The following FRS2 variants were observed in gnomAD, a reference collection of about 807,000 sequenced individuals.
The protein encoded by FRS2 is fibroblast growth factor receptor substrate 2.
FRS2 carries 8 observed loss-of-function variants against 43.9 expected under a neutral mutation model. The ratio of observed to expected loss-of-function variants is 0.18; its 90% confidence interval spans 0.11 to 0.33. FRS2 has a LOEUF of 0.33. Among genes scored for constraint, FRS2 ranks in the 10% least tolerant of loss-of-function variants. FRS2 has a pLI of 1.00. For synonymous variants in FRS2, 219 were observed against 220.3 expected (o/e 0.99, Z 0.05); for missense variants, 534 against 627.6 (o/e 0.85, Z 1.59).
intron 3 of FRS2, among the ~76,000 whole-genome samples, chr12:69,557,594 T>TTGTGTGTGTGTGTGTGTGTGTGTGTG (rs376896422): frequency 1.2e-4 from 17 of 137,078 alleles, no homozygotes; most frequent in African/African-American, 4.1e-4. Context: ...TGAAGGTTGA[T>TTGTGTGTGTGTGTGTGTGTGTGTGTG]TGTGTGTGTG....
At chr12:69,481,095 AC>A (rs1320972240) in intron 1 of FRS2, among the ~76,000 whole-genome samples, 3 of 152,104 alleles carry the variant, frequency 2.0e-5, no homozygotes, top group Non-Finnish European at 4.4e-5. Context: ...ACCTCTGTAT[AC>A]CCTTTATCCA....
chr12:69,498,137 A>G (rs536033531), intron 1 of FRS2, among the ~76,000 whole-genome samples: 1 of 152,310 alleles, frequency 6.6e-6, no homozygotes, highest in African/African-American at 2.4e-5. Flanking sequence ...GGCCAGTAGC[A>G]TTATACTATG....
In FRS2 at chr12:69,570,372, C is replaced by T; in HGVS notation, c.108C>T (p.Gly36=). The T allele has an allele frequency of 6.2e-7, 1 of 1,613,860 alleles. No homozygotes were observed. The highest frequency in any genetic ancestry group is 8.5e-7 in the Non-Finnish European group (1 of 1,179,772). Reference sequence around the variant, plus strand: ...ATGATGGGAATGAGTTAGGTTCTGGCATAATGGAACTTACAGACACAGAAC... The same window carrying T: ...ATGATGGGAATGAGTTAGGTTCTGGTATAATGGAACTTACAGACACAGAAC... ...VDDDGNELGS[G]IMELTDTELI... Residue 36 remains glycine, a synonymous_variant, in exon 6 of 9, where the codon GGC becomes GGT. Transcript: ENST00000549921.
intron 1 of FRS2, chr12:69,486,390 A>G (rs221087): frequency 0.094 from 14,290 of 152,218 alleles, 882 homozygotes; most frequent in Non-Finnish European, 0.14. Context: ...GGGCACCTCA[A>G]ACTGTGCCCA....
intron 1 of FRS2, among the ~76,000 whole-genome samples, chr12:69,530,400 A>T (rs1399479472): frequency 6.6e-6 from 1 of 151,878 alleles, no homozygotes; most frequent in Non-Finnish European, 1.5e-5. Context: ...CTCCCACCTC[A>T]GTCTCAGCTC....
At chr12:69,532,289 CA>C (rs1307447731) in intron 3 of FRS2, among the ~76,000 whole-genome samples, 1 of 152,160 alleles carries the variant, frequency 6.6e-6, no homozygotes, top group East Asian at 1.9e-4. Context: ...CTTTAAAATT[CA>C]AATACTGCTT....
intron 3 of FRS2, among the ~76,000 whole-genome samples, chr12:69,551,534 T>A (rs902137352): frequency 2.6e-5 from 4 of 152,204 alleles, no homozygotes; most frequent in Admixed American, 2.6e-4. Flanking sequence ...CCATGAAACC[T>A]TTAGAGGAAG....
intron 4 of FRS2, among the ~76,000 whole-genome samples, chr12:69,564,526 G>A (rs1244170173): frequency 6.6e-6 from 1 of 152,008 alleles, no homozygotes; most frequent in Non-Finnish European, 1.5e-5. Flanking sequence ...TGTATCTCAG[G>A]TAATAGACCC....
rs1221357268 is a variant in FRS2 at position 69,575,242 on chromosome 12, T to A, written c.*287T>A. ...TGACATGCTGGTTGATTTTTATCAA[T>A]ATTCTGGACTTAACGCATACCTTTC... On this transcript the variant is annotated 3_prime_UTR_variant, in exon 9 of 9. Coordinates refer to ENST00000549921, the MANE Select transcript of FRS2 (RefSeq NM_001278356.2). The A allele has an allele frequency of 2.8e-6, 1 of 363,504 alleles. No individual in the cohort carries two copies. Among genetic ancestry groups the A allele is most frequent in the Admixed American group, 4.2e-5 (1 of 23,536 alleles). The allele number at this position is 363,504 out of a possible 1,614,324, so 22.5% of individuals were successfully genotyped here. A position where few individuals can be genotyped will look rare whatever the true frequency, so the allele number is the denominator to read the frequency against.
chr12:69,470,631 G>C (rs981703285), intron 1 of FRS2, 101 bp downstream of exon 1: 54 of 395,968 alleles, frequency 1.4e-4, no homozygotes, highest in African/African-American at 9.3e-4. Context: ...CTGAGGGCTC[G>C]GCTGCCGGCG....
intron 1 of FRS2, among the ~76,000 whole-genome samples, chr12:69,496,057 A>T (rs933804195): frequency 3.3e-5 from 5 of 152,128 alleles, no homozygotes; most frequent in African/African-American, 1.2e-4. Flanking sequence ...GATAATACTA[A>T]TTTTTTTCTT....
chr12:69,575,730 T>C lies in FRS2; in HGVS notation c.*775T>C, dbSNP rs1881149172. ...CTGAACCACAATCTCCTGAAAGTTT[T>C]TCTCCTATAGATTGTTGACAACACA... On this transcript the variant is annotated 3_prime_UTR_variant, in exon 9 of 9. Coordinates refer to ENST00000549921, the MANE Select transcript of FRS2 (RefSeq NM_001278356.2). 6.5e-6 allele frequency: 1 copy of C among 152,682 alleles called. No homozygotes were observed. The highest frequency in any genetic ancestry group is 2.4e-5 in the African/African-American group (1 of 41,458). The allele number at this position is 152,682 out of a possible 1,614,324, so 9.5% of individuals were successfully genotyped here. A position where few individuals can be genotyped will look rare whatever the true frequency, so the allele number is the denominator to read the frequency against.
Position 69,507,762 on chromosome 12 carries a change from C to T in FRS2, c.-260-23103C>T, listed in dbSNP as rs1290156665. Among the ~76,000 whole-genome samples, 13 of 152,098 alleles carry T rather than the reference C, an allele frequency of 8.5e-5. 1 individual carries two copies. Among genetic ancestry groups the T allele is most frequent in the Admixed American group, 8.5e-4 (13 of 15,268 alleles). On this transcript the variant is annotated intron_variant, in intron 1 of 8. Coordinates refer to ENST00000549921, the MANE Select transcript of FRS2 (RefSeq NM_001278356.2). ...AGTTGCAGCCGGGCCCGGTGGCTCA[C>T]GCCTGTAATCCCAGCACTTTGGGAG... is the stretch of plus-strand genomic sequence containing the variant.
intron 3 of FRS2, among the ~76,000 whole-genome samples, chr12:69,532,663 C>G (rs978381420): frequency 1.3e-5 from 2 of 152,140 alleles, no homozygotes; most frequent in Admixed American, 6.5e-5. Flanking sequence ...ATTTCAGCAT[C>G]TGAATTTTAG....
At chr12:69,565,690 G>A (rs1880235989) in intron 4 of FRS2, among the ~76,000 whole-genome samples, 1 of 151,882 alleles carries the variant, frequency 6.6e-6, no homozygotes, top group Admixed American at 6.6e-5. Flanking sequence ...TCCATATCAC[G>A]GTCTTCTCCT....
At chr12:69,527,056 C>G (rs907782300) in intron 1 of FRS2, among the ~76,000 whole-genome samples, 1 of 152,136 alleles carries the variant, frequency 6.6e-6, no homozygotes, top group African/African-American at 2.4e-5. Context: ...CCTGTGTGGC[C>G]ACCCCATTGA....
chr12:69,535,130 A>C (rs1440746875), intron 3 of FRS2, among the ~76,000 whole-genome samples: 4 of 152,120 alleles, frequency 2.6e-5, no homozygotes, highest in South Asian at 4.1e-4. Flanking sequence ...TTTTTTCCTC[A>C]AGGCATCCAA....
At chr12:69,530,657 C>T (rs927372709) in intron 1 of FRS2, among the ~76,000 whole-genome samples, 2 of 152,058 alleles carry the variant, frequency 1.3e-5, no homozygotes, top group Admixed American at 6.6e-5. Context: ...GTGGGAGGAT[C>T]GCCTGAGCCC....
rs367555797 is a variant in FRS2 at position 69,574,878 on chromosome 12, A to G, written c.1450A>G (p.Asn484Asp). Reference protein sequence around the residue: ...IDIERTAAMSNLQKALPRDDG... With the variant: ...IDIERTAAMSDLQKALPRDDG... ...CATCGAGAGAACTGCTGCTATGTCAAATTTGCAGAAAGCACTGCCACGAGA... is the reference window on the plus strand; with the variant it reads ...CATCGAGAGAACTGCTGCTATGTCAGATTTGCAGAAAGCACTGCCACGAGA... The change falls in exon 9 of 9, where the codon AAT (asparagine) becomes GAT (aspartate). Residue 484 changes from asparagine (N) to aspartate (D), a missense_variant. Asn to Asp is a conservative substitution (Grantham distance 23). Transcript: ENST00000549921. 1.1e-5 allele frequency: 17 copies of G among 1,613,848 alleles called. No homozygotes were observed. Among genetic ancestry groups the G allele is most frequent in the African/African-American group, 9.3e-5 (7 of 74,914 alleles).
Sources: gnomAD v4.1 joint callset for allele counts (sites outside exome capture counted in the v4.1 genomes callset) on GRCh38, gnomAD v4.1.1 for gene constraint, MANE v1.5 for transcripts, NCBI Gene and HGNC (gene_info 2026-07-23, HGNC 2026-07-21) for gene names.